Variants in NSD1 observed in about 807,000 individuals in gnomAD.
NSD1 encodes the protein histone-lysine N-methyltransferase, H3 lysine-36 specific.
NSD1 carries 26 observed loss-of-function variants against 242.7 expected under a neutral mutation model. That is an observed-to-expected ratio of 0.11 (90% confidence interval 0.08 to 0.15). The LOEUF is 0.15. Among genes scored for constraint, NSD1 ranks in the 10% least tolerant of loss-of-function variants. The pLI, the probability that NSD1 is intolerant of heterozygous loss-of-function variation, is 1.00. For missense variants in NSD1, 2,495 were observed against 3,272.8 expected (o/e 0.76, Z 5.80); for synonymous variants, 1,106 against 1,178.1 (o/e 0.94, Z 1.25).
At position 177,210,741 on chromosome 5, in the gene NSD1, A is replaced by T; in HGVS notation, c.2342A>T (p.Lys781Ile). ...GCAAATCAAGCTCTATTACATTCGA[A>T]AAGCAAACAGCCCAAGTTCCGAAGT... The part of the protein sequence containing the change: ...GAANQALLHS[K>I]SKQPKFRSIK... Residue 781 changes from lysine to isoleucine, a missense_variant, in exon 5 of 23, where the codon AAA becomes ATA. Physicochemically the swap from Lys to Ile is moderately radical, Grantham distance 102. Coordinates refer to ENST00000439151, the MANE Select transcript of NSD1 (RefSeq NM_022455.5). 6.2e-7 allele frequency: 1 copy of T among 1,614,226 alleles called. No homozygotes were observed. The highest frequency in any genetic ancestry group is 8.5e-7 in the Non-Finnish European group (1 of 1,180,048).
rs894193978 is a variant in NSD1, at chr5:177,296,086, TGAG to T, written c.*630_*632del. On this transcript the variant is annotated 3_prime_UTR_variant, in exon 23 of 23. Transcript: ENST00000439151. Reference sequence around the variant, plus strand: ...TTTGTGGCACCAGAAGTGGTTGTGTTGAGGAAGTGTCTCTTGGCTGCGGTGTGC... The same window carrying T: ...TTTGTGGCACCAGAAGTGGTTGTGTTGAAGTGTCTCTTGGCTGCGGTGTGC... 5.2e-5 allele frequency: 13 copies of T among 252,330 alleles called. No homozygotes were observed. The highest frequency in any genetic ancestry group is 2.9e-4 in the African/African-American group (13 of 45,608). 15.6% of individuals were successfully genotyped at this position (252,330 alleles called of 1,614,324 possible).
intron 2 of NSD1, among the ~76,000 whole-genome samples, chr5:177,175,835 A>G (rs1760147551): frequency 6.6e-6 from 1 of 152,162 alleles, no homozygotes; most frequent in Non-Finnish European, 1.5e-5. Flanking sequence ...CGATTTTACA[A>G]CAAAGCATGT....
At chr5:177,140,535 A>C (rs1362148785) in intron 2 of NSD1, among the ~76,000 whole-genome samples, 2 of 152,086 alleles carry the variant, frequency 1.3e-5, no homozygotes, top group African/African-American at 4.8e-5. Context: ...ATTAAGACTT[A>C]AGAATCGGCC....
intron 3 of NSD1, among the ~76,000 whole-genome samples, chr5:177,197,006 G>A (rs1396575275): frequency 1.3e-5 from 2 of 152,158 alleles, no homozygotes; most frequent in African/African-American, 4.8e-5. Flanking sequence ...GGTGGCTCAC[G>A]CCTGCAATCC....
In NSD1 at chr5:177,185,935, A is replaced by T. The variant is rs867785942; in HGVS notation, c.928-5949A>T. On this transcript the variant is annotated intron_variant, in intron 2 of 22. Transcript: ENST00000439151. ...TTATATATATTTATATATATAAATA[A>T]ATATATATAATATAGTTATATATTT... Among the ~76,000 whole-genome samples the T allele has an allele frequency of 6.6e-4, 60 of 90,550 alleles. 1 individual carries two copies. Among genetic ancestry groups the T allele is most frequent in the Non-Finnish European group, 8.9e-4 (46 of 51,496 alleles). 59.4% of individuals were successfully genotyped at this position (90,550 alleles called of 152,430 possible).
At position 177,134,591 on chromosome 5, in the gene NSD1, A is replaced by C. The variant is rs1756146093; in HGVS notation, c.-17-496A>C. Among the ~76,000 whole-genome samples, 1 of 152,152 alleles carries C rather than the reference A, an allele frequency of 6.6e-6. No individual in the cohort carries two copies. The highest frequency in any genetic ancestry group is 6.5e-5 in the Admixed American group (1 of 15,286). ...CCTGCGGCCTGCGCACCGCCGCTGCAAAGGCTCCGGCGCTGGCTGGGCGCA... is the reference window on the plus strand; with the variant it reads ...CCTGCGGCCTGCGCACCGCCGCTGCCAAGGCTCCGGCGCTGGCTGGGCGCA... On this transcript the variant is annotated intron_variant, in intron 1 of 22. Transcript: ENST00000439151. This position sits in a 1 kb window ranked among gnomAD's most constrained non-coding sequence, Gnocchi z 4.2.
chr5:177,255,468 G>T (rs1356689680), intron 12 of NSD1, among the ~76,000 whole-genome samples: 1 of 152,190 alleles, frequency 6.6e-6, no homozygotes, highest in Admixed American at 6.5e-5. Context: ...ATTACCTGTA[G>T]GAGGATTCAT....
chr5:177,188,735 A>T (rs1761434308), intron 2 of NSD1, among the ~76,000 whole-genome samples: 1 of 151,752 alleles, frequency 6.6e-6, no homozygotes, highest in Non-Finnish European at 1.5e-5. Flanking sequence ...CTGGCCTTGA[A>T]CGCCCAGCCT....
chr5:177,234,902 C>T (rs771647154), intron 5 of NSD1, among the ~76,000 whole-genome samples: 16 of 152,110 alleles, frequency 1.1e-4, no homozygotes, highest in African/African-American at 3.9e-4. Flanking sequence ...AAACAGTATA[C>T]AGTAACCTTT....
chr5:177,226,311 A>G (rs570049815), intron 5 of NSD1, among the ~76,000 whole-genome samples: 1 of 152,164 alleles, frequency 6.6e-6, no homozygotes, highest in Non-Finnish European at 1.5e-5. Context: ...CTGGGATTAC[A>G]TGCGTGAGCC....
intron 21 of NSD1, among the ~76,000 whole-genome samples, chr5:177,290,352 A>G (rs1439026155): frequency 6.6e-6 from 1 of 151,826 alleles, no homozygotes; most frequent in Non-Finnish European, 1.5e-5. Flanking sequence ...GAAGCTCAAC[A>G]TTAAGAACTG....
Position 177,269,480 on chromosome 5 carries a change from G to C in NSD1, c.5304-122G>C, listed in dbSNP as rs548022353. 11 of 866,476 alleles carry C rather than the reference G, an allele frequency of 1.3e-5. No homozygotes were observed. Among genetic ancestry groups the C allele is most frequent in the Non-Finnish European group, 1.3e-5 (7 of 531,616 alleles). The allele number at this position is 866,476 out of a possible 1,614,324, so 53.7% of individuals were successfully genotyped here. A position where few individuals can be genotyped will look rare whatever the true frequency, so the allele number is the denominator to read the frequency against. On this transcript the variant is annotated intron_variant, in intron 15 of 22. Coordinates refer to ENST00000439151, the MANE Select transcript of NSD1 (RefSeq NM_022455.5). This position sits in a 1 kb window ranked among gnomAD's most constrained non-coding sequence, Gnocchi z 5.1. ...GTTCTAGTTAGGTTGTAAGAATGCC[G>C]TAAGATGGACTTTAATGTGGACAGA... is the stretch of plus-strand genomic sequence containing the variant.
At position 177,292,088 on chromosome 5, in the gene NSD1, C is replaced by CT; in HGVS notation, c.6394dup (p.Ser2132PhefsTer34). 6.2e-7 allele frequency: 1 copy of CT among 1,614,196 alleles called. No individual in the cohort carries two copies. Among genetic ancestry groups the CT allele is most frequent in the Non-Finnish European group, 8.5e-7 (1 of 1,180,038 alleles). The stretch of plus-strand genomic sequence containing the variant: ...GTTGTGGGGATGCTGGCCAGCTCGT[C>CT]TCCTGCAAGAAACCAGGCTGCCCAA... On this transcript the variant is annotated frameshift_variant, in exon 22 of 23. Coordinates refer to ENST00000439151, the MANE Select transcript of NSD1 (RefSeq NM_022455.5). LOFTEE classifies it high-confidence loss of function.
intron 21 of NSD1, among the ~76,000 whole-genome samples, chr5:177,291,482 G>A (rs1006643821): frequency 3.3e-5 from 5 of 152,052 alleles, no homozygotes; most frequent in Non-Finnish European, 7.4e-5. Flanking sequence ...CTGAAAACCC[G>A]TCTCTACTAA....
At chr5:177,261,721 C>G (rs1757014074) in intron 14 of NSD1, among the ~76,000 whole-genome samples, 1 of 152,090 alleles carries the variant, frequency 6.6e-6, no homozygotes, top group South Asian at 2.1e-4. Context: ...TGGTATTTTT[C>G]TAAGTTCATT....
intron 5 of NSD1, among the ~76,000 whole-genome samples, chr5:177,232,596 A>G (rs945956758): frequency 2.0e-5 from 3 of 152,188 alleles, no homozygotes; most frequent in Admixed American, 2.0e-4. Context: ...TTCCCATGCA[A>G]TTATACCCAT....
At chr5:177,187,577 C>T (rs922561165) in intron 2 of NSD1, among the ~76,000 whole-genome samples, 9 of 152,156 alleles carry the variant, frequency 5.9e-5, no homozygotes, top group Admixed American at 3.9e-4. Flanking sequence ...TCTCTCAGTT[C>T]GGGAAGCTAG....
intron 11 of NSD1, among the ~76,000 whole-genome samples, 163 bp from the exon 12 acceptor site, chr5:177,251,567 C>T (rs1397891969): frequency 1.3e-5 from 2 of 152,212 alleles, no homozygotes; most frequent in Admixed American, 6.5e-5. Context: ...TCCAATGGTA[C>T]ACCTTTGTAA....
intron 8 of NSD1, among the ~76,000 whole-genome samples, chr5:177,240,622 A>G (rs1220731609): frequency 6.6e-6 from 1 of 152,102 alleles, no homozygotes; most frequent in African/African-American, 2.4e-5. Context: ...CTGAGGCAGG[A>G]GAATGGTGTG....
Sources: gnomAD v4.1 joint callset for allele counts (sites outside exome capture counted in the v4.1 genomes callset) on GRCh38, gnomAD v4.1.1 for gene constraint, Gnocchi (gnomAD v3.1) non-coding constraint, MANE v1.5 for transcripts, NCBI Gene and HGNC (gene_info 2026-07-23, HGNC 2026-07-21) for gene names.